The following FAS variants were observed in gnomAD, a reference collection of about 807,000 sequenced individuals.
The protein encoded by FAS is Fas cell surface death receptor.
FAS carries 5 observed loss-of-function variants against 33.2 expected under a neutral mutation model. The observed-to-expected ratio is 0.15, with a 90% CI of 0.08 to 0.32. FAS has a LOEUF of 0.32. Among genes scored for constraint, FAS ranks in the 10% least tolerant of loss-of-function variants. FAS has a pLI of 1.00. For missense variants in FAS, 339 were observed against 386.0 expected, an observed-to-expected ratio of 0.88 and a Z score of 1.02; for synonymous variants, 131 against 130.7, an observed-to-expected ratio of 1.00 and a Z score of -0.01.
At chr10:88,994,411 T>C (rs955889795) in intron 1 of FAS, among the ~76,000 whole-genome samples, 1 of 152,204 alleles carries the variant, frequency 6.6e-6, no homozygotes. Context: ...TATTTACTTA[T>C]GATGAAAAAT....
At chr10:88,987,757 T>A (rs1220701156), upstream of FAS, among the ~76,000 whole-genome samples, 3 of 152,230 alleles carry the variant, frequency 2.0e-5, no homozygotes, top group Non-Finnish European at 4.4e-5. Flanking sequence ...CCAATGCCAC[T>A]GTGATGGTTA....
intron 2 of FAS, 23 bp downstream of exon 2, chr10:89,003,217 A>G (rs1275480458): frequency 6.2e-7 from 1 of 1,613,872 alleles, no homozygotes; most frequent in Admixed American, 1.7e-5. Context: ...AAACATCCAG[A>G]GATTACAGTG....
At position 89,014,287 on chromosome 10, in the gene FAS, A is replaced by G; in HGVS notation, c.845A>G (p.His282Arg). 3 of 1,614,026 alleles carry G rather than the reference A, an allele frequency of 1.9e-6. No individual in the cohort carries two copies. Among genetic ancestry groups the G allele is most frequent in the Non-Finnish European group, 2.5e-6 (3 of 1,179,948 alleles). Residue 282 changes from histidine to arginine, a missense_variant, in exon 9 of 9, where the codon CAT becomes CGT. His to Arg is a conservative substitution (Grantham distance 29, BLOSUM62 0). Transcript: ENST00000652046. Reference sequence around the variant, plus strand: ...AAAGTTCAACTGCTTCGTAATTGGCATCAACTTCATGGAAAGAAAGAAGCG... The same window carrying G: ...AAAGTTCAACTGCTTCGTAATTGGCGTCAACTTCATGGAAAGAAAGAAGCG... ...EQKVQLLRNWHQLHGKKEAYD... is the reference protein window; with the variant it reads ...EQKVQLLRNWRQLHGKKEAYD...
Position 89,007,584 on chromosome 10 carries a change from A to T in FAS, c.197-116A>T, listed in dbSNP as rs1440694500. On this transcript the variant is annotated intron_variant, in intron 2 of 8. Transcript: ENST00000652046. ...CATTGTATTTATATCTCATTAGCCT[A>T]CCCCCCCTCCCCTTGTGTTTTAGAA... 31 of 1,204,548 alleles carry T rather than the reference A, an allele frequency of 2.6e-5. 1 individual carries two copies. The highest frequency in any genetic ancestry group is 1.3e-5 in the South Asian group (1 of 77,838). The allele number at this position is 1,204,548 out of a possible 1,614,324, so 74.6% of individuals were successfully genotyped here.
At chr10:88,986,353 C>T (rs1846884079), upstream of FAS, among the ~76,000 whole-genome samples, 3 of 152,176 alleles carry the variant, frequency 2.0e-5, no homozygotes, top group South Asian at 4.1e-4. Context: ...GAGGGGTACT[C>T]AATTGGATTA....
intron 6 of FAS, among the ~76,000 whole-genome samples, chr10:89,011,168 A>G (rs910496377): frequency 5.1e-4 from 78 of 152,230 alleles, no homozygotes; most frequent in African/African-American, 1.8e-3. Flanking sequence ...CCCAGGAAAC[A>G]CATTGCAGGG....
chr10:89,014,526 A>C lies in FAS; in HGVS notation c.*76A>C. 6.5e-6 allele frequency: 9 copies of C among 1,392,710 alleles called. No homozygotes were observed. Among genetic ancestry groups the C allele is most frequent in the Non-Finnish European group, 8.9e-6 (9 of 1,005,728 alleles). 86.3% of individuals were successfully genotyped at this position (1,392,710 alleles called of 1,614,324 possible). On this transcript the variant is annotated 3_prime_UTR_variant, in exon 9 of 9. Coordinates refer to ENST00000652046, the MANE Select transcript of FAS (RefSeq NM_000043.6). ...AGATTCTTAATAGCTGGCTGTAAAT[A>C]CTGCTTGGTTTTTTACTGGGTACAT...
At chr10:88,983,175 A>G (rs1234329455), upstream of FAS, among the ~76,000 whole-genome samples, 2 of 152,190 alleles carry the variant, frequency 1.3e-5, no homozygotes, top group South Asian at 4.1e-4. Flanking sequence ...TTTCAATCCA[A>G]TTTGCATGGC....
intron 3 of FAS, 102 bp downstream of exon 3, chr10:89,007,939 GAC>G: frequency 6.4e-7 from 1 of 1,561,062 alleles, no homozygotes; most frequent in Admixed American, 1.7e-5. Flanking sequence ...GTGCTATGTT[GAC>G]ACACAGGAAA....
At chr10:88,974,262 A>T (rs1399866824) in intron 2 of FAS, 1 of 152,160 alleles carries the variant, frequency 6.6e-6, no homozygotes, top group African/African-American at 2.4e-5. Context: ...AAAAAAAAAA[A>T]ATCAGGCTCT....
At chr10:88,969,586 T>G (rs1293640873) in intron 1 of FAS, among the ~76,000 whole-genome samples, 2 of 152,204 alleles carry the variant, frequency 1.3e-5, no homozygotes, top group African/African-American at 2.4e-5. Flanking sequence ...CTTTTTTTTT[T>G]GGCTGGTTTA....
chr10:89,006,620 C>G (rs1045519501), intron 2 of FAS, among the ~76,000 whole-genome samples: 1 of 152,134 alleles, frequency 6.6e-6, no homozygotes, highest in Non-Finnish European at 1.5e-5. Flanking sequence ...TCTTAATTCT[C>G]TATTCCCTTA....
intron 1 of FAS, among the ~76,000 whole-genome samples, chr10:88,997,116 T>C (rs1238602280): frequency 2.0e-5 from 3 of 152,230 alleles, no homozygotes; most frequent in Non-Finnish European, 2.9e-5. Context: ...CACATGTAAA[T>C]GTAGTAACCT....
In FAS at chr10:88,996,275, TTG is replaced by T. The variant is rs764896654; in HGVS notation, c.30+5371_30+5372del. 1.8e-3 allele frequency among the ~76,000 whole-genome samples: 177 copies of T among 96,502 alleles called. 1 individual carries two copies. The highest frequency in any genetic ancestry group is 1.0e-2 in the African/African-American group (159 of 15,918). The allele number at this position is 96,502 out of a possible 152,430, so 63.3% of individuals were successfully genotyped here. Reference sequence around the variant, plus strand: ...ATTGGTCCTAATTAACTGGTTGTTGTTGTTTTTTTTCATGTGAATGTCTGTAA... The same window carrying T: ...ATTGGTCCTAATTAACTGGTTGTTGTTTTTTTTTCATGTGAATGTCTGTAA... On this transcript the variant is annotated intron_variant, in intron 1 of 8. Coordinates refer to ENST00000652046, the MANE Select transcript of FAS (RefSeq NM_000043.6).
At chr10:88,989,606 C>T (rs1235560251), upstream of FAS, 3 of 536,330 alleles carry the variant, frequency 5.6e-6, no homozygotes, top group Admixed American at 1.9e-5. Flanking sequence ...ATGCAAAACA[C>T]AGGGTGATGG....
upstream of FAS, among the ~76,000 whole-genome samples, chr10:88,982,916 GTAA>G (rs549902767): frequency 4.1e-3 from 625 of 152,214 alleles, 8 homozygotes; most frequent in Non-Finnish European, 1.1e-3. Context: ...TCTGTTTGAG[GTAA>G]ACAACCGAAC....
At chr10:88,983,954 C>CT (rs1200969379), upstream of FAS, among the ~76,000 whole-genome samples, 1 of 150,800 alleles carries the variant, frequency 6.6e-6, no homozygotes, top group African/African-American at 2.4e-5. Context: ...CTTAGGCTGC[C>CT]TAGTTATCCT....
rs1180064242 is a variant in FAS, at chr10:89,015,823, T to C, written c.*1373T>C. 2 of 440,404 alleles carry C rather than the reference T, an allele frequency of 4.5e-6. No homozygotes were observed. Among genetic ancestry groups the C allele is most frequent in the East Asian group, 4.2e-5 (1 of 23,906 alleles). The allele number at this position is 440,404 out of a possible 1,614,324, so 27.3% of individuals were successfully genotyped here. On this transcript the variant is annotated 3_prime_UTR_variant, in exon 9 of 9. Transcript: ENST00000652046. The stretch of plus-strand genomic sequence containing the variant: ...TCTTTTTTGGTAGGGGCTTGCTTTT[T>C]GGTTTTGTCTTCCTTTTCTCTAACT...
intron 2 of FAS, among the ~76,000 whole-genome samples, chr10:88,979,146 T>G (rs180780149): frequency 1.2e-4 from 18 of 152,202 alleles, no homozygotes; most frequent in African/African-American, 4.1e-4. Context: ...CAATTAAAAT[T>G]ATAGATTCTT....
Sources: allele counts gnomAD v4.1 joint callset (sites outside exome capture counted in the v4.1 genomes callset), GRCh38; gene constraint gnomAD v4.1.1; transcripts MANE v1.5; gene names NCBI Gene and HGNC (gene_info 2026-07-23, HGNC 2026-07-21).